Variants in TRANK1 observed in about 807,000 individuals in gnomAD.
TRANK1 encodes TPR and ankyrin repeat-containing protein 1.
A neutral mutation model predicts 266.0 loss-of-function variants in TRANK1; 198 were observed. The observed-to-expected ratio is 0.74, with a 90% CI of 0.66 to 0.84. TRANK1 has a LOEUF of 0.84. Among genes scored for constraint, TRANK1 ranks in the 40% least tolerant of loss-of-function variants. The pLI is 0.00. For missense variants in TRANK1, 3,326 were observed against 3,634.6 expected (o/e 0.92, Z 2.18); for synonymous variants, 1,396 against 1,384.1 (o/e 1.01, Z -0.19).
At chr3:36,904,738 A>AG (rs1453502338) in intron 2 of TRANK1, among the ~76,000 whole-genome samples, 1 of 152,052 alleles carries the variant, frequency 6.6e-6, no homozygotes, top group African/African-American at 2.4e-5. Context: ...AGCACACAGG[A>AG]GGCAGTGGGG....
intron 1 of TRANK1, among the ~76,000 whole-genome samples, chr3:36,915,557 A>G (rs2080112721): frequency 6.6e-6 from 1 of 152,198 alleles, no homozygotes; most frequent in African/African-American, 2.4e-5. Flanking sequence ...TTCATATAGC[A>G]TCTACCCTAT....
chr3:36,850,144 A>G (rs964536419), intron 15 of TRANK1: 2 of 985,456 alleles, frequency 2.0e-6, no homozygotes, highest in Middle Eastern at 5.2e-4. Context: ...CAGAAACAAC[A>G]AAGTCTTACC....
chr3:36,935,597 C>T (rs928522123), intron 1 of TRANK1, among the ~76,000 whole-genome samples: 58 of 152,132 alleles, frequency 3.8e-4, no homozygotes, highest in African/African-American at 1.2e-3. Flanking sequence ...ATTACAGGCA[C>T]ATGTCACCAC....
In TRANK1 at chr3:36,831,415, A is replaced by C; in HGVS notation, c.8168T>G (p.Leu2723Trp). Residue 2723 changes from leucine (L) to tryptophan (W), a missense_variant, in exon 22 of 24, where the codon TTG becomes TGG. Physicochemically the swap from Leu to Trp is moderately conservative, Grantham distance 61. Coordinates refer to ENST00000645898, the MANE Select transcript of TRANK1 (RefSeq NM_001329998.2). The surrounding 1 kb of genome is among the most constrained non-coding windows in gnomAD (Gnocchi z 5.0). ...KQRKASIQRK[L>W]RRACLVVSLC... ...AGACACCACCAGGCATGCCCTCCTC[A>C]ACTTCCGCTGTATGGAGGCCTTCCG... is the stretch of plus-strand genomic sequence containing the variant. 6.2e-7 allele frequency: 1 copy of C among 1,612,674 alleles called. No homozygotes were observed. The highest frequency in any genetic ancestry group is 8.5e-7 in the Non-Finnish European group (1 of 1,179,396).
chr3:36,937,929 C>T (rs888046144), intron 1 of TRANK1, among the ~76,000 whole-genome samples: 8 of 152,330 alleles, frequency 5.3e-5, no homozygotes, highest in Middle Eastern at 3.4e-3. Context: ...CACCCAGAAC[C>T]TTCTCCAAGC....
intron 8 of TRANK1, among the ~76,000 whole-genome samples, chr3:36,881,465 T>C (rs998644750): frequency 6.7e-6 from 1 of 149,440 alleles, no homozygotes; most frequent in African/African-American, 2.5e-5. Context: ...AAAACAAAAT[T>C]AGCCAAGCAT....
intron 20 of TRANK1, among the ~76,000 whole-genome samples, chr3:36,837,028 T>C (rs2078779614): frequency 6.6e-6 from 1 of 152,222 alleles, no homozygotes; most frequent in Non-Finnish European, 1.5e-5. Flanking sequence ...CCACTTTCTC[T>C]TACTCATTTA....
chr3:36,930,725 C>A (rs976258374), intron 1 of TRANK1, among the ~76,000 whole-genome samples: 3 of 152,124 alleles, frequency 2.0e-5, no homozygotes, highest in African/African-American at 7.2e-5. Flanking sequence ...ATTCCATTTA[C>A]ATGACATTCT....
intron 1 of TRANK1, among the ~76,000 whole-genome samples, chr3:36,909,048 T>C (rs1359718796): frequency 1.3e-5 from 2 of 152,204 alleles, no homozygotes; most frequent in Non-Finnish European, 2.9e-5. Flanking sequence ...AGTATGCAAG[T>C]GGCTAGGACA....
rs556693812 is a variant in TRANK1 at position 36,940,518 on chromosome 3, C to G, written c.23+4269G>C. ...CTGTTTCAAAAAAAAAAAAAAGAAG[C>G]TGCTCCTTTAATCTGGAGTGTCCCT... On this transcript the variant is annotated intron_variant, in intron 1 of 23. Coordinates refer to ENST00000645898, the MANE Select transcript of TRANK1 (RefSeq NM_001329998.2). Among the ~76,000 whole-genome samples the G allele has an allele frequency of 6.3e-3, 949 of 150,314 alleles. 16 individuals are homozygous for G. The highest frequency in any genetic ancestry group is 8.8e-3 in the Non-Finnish European group (595 of 67,462).
At chr3:36,939,691 A>G (rs917383706) in intron 1 of TRANK1, among the ~76,000 whole-genome samples, 22 of 152,214 alleles carry the variant, frequency 1.4e-4, no homozygotes, top group Non-Finnish European at 2.2e-4. Context: ...TGCTTGAGCT[A>G]TGTGAAACAG....
Position 36,899,111 on chromosome 3 carries a change from C to T in TRANK1, c.431G>A (p.Ser144Asn), listed in dbSNP as rs2079837407. Residue 144 changes from serine to asparagine, a missense_variant and splice_region_variant, in exon 4 of 24, where the codon AGC becomes AAC. Physicochemically the swap from Ser to Asn is conservative, Grantham distance 46. Transcript: ENST00000645898. ...DFLVGVFTTM[S>N]SDSIVLQSFL... ...AAGTCTCCCCAGTTCCAACTTACTGCTCATAGTGGTGAAGACTCCAACAAG... is the reference window on the plus strand; with the variant it reads ...AAGTCTCCCCAGTTCCAACTTACTGTTCATAGTGGTGAAGACTCCAACAAG... 6.5e-7 allele frequency: 1 copy of T among 1,537,068 alleles called. No homozygotes were observed. Among genetic ancestry groups the T allele is most frequent in the South Asian group, 1.2e-5 (1 of 84,066 alleles).
chr3:36,921,920 T>G (rs971275678), intron 1 of TRANK1, among the ~76,000 whole-genome samples: 43 of 152,210 alleles, frequency 2.8e-4, no homozygotes, highest in African/African-American at 1.0e-3. Context: ...GCTGGGAGGA[T>G]TGCTTGAGCT....
At chr3:36,829,499 A>G in intron 23 of TRANK1, 65 bp downstream of exon 23, 1 of 1,534,754 alleles carries the variant, frequency 6.5e-7, no homozygotes, top group Non-Finnish European at 9.0e-7. Flanking sequence ...TCCCCCCGGG[A>G]GCCAGCAGTA....
chr3:36,890,086 C>T (rs541736127), intron 7 of TRANK1, 126 bp from the exon 8 acceptor site: 2 of 1,268,688 alleles, frequency 1.6e-6, no homozygotes, highest in African/African-American at 1.5e-5. Context: ...GTGTGGACCA[C>T]GCTAAGGTAA....
chr3:36,906,270 G>A (rs2079966257), intron 2 of TRANK1, among the ~76,000 whole-genome samples: 2 of 152,294 alleles, frequency 1.3e-5, no homozygotes, highest in Middle Eastern at 3.4e-3. Context: ...CCGTGTTTCA[G>A]TAATTTAATT....
rs536715987 is a variant in TRANK1 at position 36,864,199 on chromosome 3, G to A, written c.1240+120C>T. The A allele has an allele frequency of 2.3e-4, 269 of 1,151,258 alleles. No individual in the cohort carries two copies. In the African/African-American group the frequency reaches 3.8e-3, roughly 16 times the overall value. The allele number at this position is 1,151,258 out of a possible 1,614,324, so 71.3% of individuals were successfully genotyped here. On this transcript the variant is annotated intron_variant, in intron 10 of 23. Transcript: ENST00000645898. ...AAAGAATGCTCTGTGCTGTCTGAATGTTTTACATGTAGATACATTATTTTT... is the reference window on the plus strand; with the variant it reads ...AAAGAATGCTCTGTGCTGTCTGAATATTTTACATGTAGATACATTATTTTT...
intron 10 of TRANK1, 109 bp from the exon 11 acceptor site, chr3:36,861,269 A>G (rs1470357930): frequency 1.3e-5 from 17 of 1,336,600 alleles, no homozygotes; most frequent in East Asian, 7.5e-5. Flanking sequence ...TATATAAACA[A>G]GTAGTTGATT....
intron 1 of TRANK1, among the ~76,000 whole-genome samples, chr3:36,936,734 A>G (rs1374152850): frequency 6.6e-6 from 1 of 152,174 alleles, no homozygotes; most frequent in Non-Finnish European, 1.5e-5. Flanking sequence ...CGTGCAGATG[A>G]GATGGGCCTT....
Sources: gnomAD v4.1 joint callset for allele counts (sites outside exome capture counted in the v4.1 genomes callset) on GRCh38, gnomAD v4.1.1 for gene constraint, Gnocchi (gnomAD v3.1) non-coding constraint, MANE v1.5 for transcripts, NCBI Gene and HGNC (gene_info 2026-07-23, HGNC 2026-07-21) for gene names.